TRA2A: variants seen among roughly 807,000 people sequenced by gnomAD.
TRA2A encodes transformer-2 protein homolog alpha.
TRA2A carries 31 observed loss-of-function variants against 45.7 expected under a neutral mutation model. The ratio of observed to expected loss-of-function variants is 0.68; its 90% CI spans 0.51 to 0.92. The LOEUF (loss-of-function observed/expected upper bound fraction) is 0.92, where lower values mean the gene tolerates loss of function less well. TRA2A is among the 40% of genes least tolerant of loss of function. TRA2A has a pLI of 0.00. For synonymous variants in TRA2A, 132 were observed against 126.2 expected, an observed-to-expected ratio of 1.05 and a Z score of -0.31; for missense variants, 304 against 367.5, an observed-to-expected ratio of 0.83 and a Z score of 1.41.
chr7:23,524,067 C>T (rs117993346), intron 1 of TRA2A, among the ~76,000 whole-genome samples: 1,804 of 152,224 alleles, frequency 0.012, 28 homozygotes, highest in Non-Finnish European at 0.019. Flanking sequence ...GAAATAAAAA[C>T]CTTTTATTAA....
chr7:23,511,528 G>C (rs180986831), intron 4 of TRA2A, among the ~76,000 whole-genome samples: 28 of 150,444 alleles, frequency 1.9e-4, no homozygotes, highest in Non-Finnish European at 3.8e-4. Flanking sequence ...TAAAAGTATT[G>C]AGCTTCAAAT....
At chr7:23,527,012 A>C (rs80115623) in intron 1 of TRA2A, among the ~76,000 whole-genome samples, 9,058 of 152,218 alleles carry the variant, frequency 0.06, 926 homozygotes, top group African/African-American at 0.21. Context: ...CATAAGTCTC[A>C]TAGCTTATAT....
intron 5 of TRA2A, among the ~76,000 whole-genome samples, chr7:23,506,999 G>A (rs962731888): frequency 6.6e-6 from 1 of 152,112 alleles, no homozygotes; most frequent in Non-Finnish European, 1.5e-5. Context: ...TCGTGATCTC[G>A]TGATCCACCC....
intron 5 of TRA2A, 51 bp from the exon 6 acceptor site, chr7:23,506,317 G>A (rs1789338300): frequency 6.6e-7 from 1 of 1,510,126 alleles, no homozygotes; most frequent in Non-Finnish European, 8.9e-7. Flanking sequence ...TATTTTCCAG[G>A]ACACTTTAAT....
At chr7:23,522,373 A>C in intron 1 of TRA2A, 1 of 1,266,860 alleles carries the variant, frequency 7.9e-7, no homozygotes, top group Non-Finnish European at 1.0e-6. Flanking sequence ...GCCTTCTTTT[A>C]TCTTGATTTA....
chr7:23,519,101 C>T (rs1224165582), intron 2 of TRA2A, among the ~76,000 whole-genome samples: 1 of 152,156 alleles, frequency 6.6e-6, no homozygotes, highest in Non-Finnish European at 1.5e-5. Context: ...GCCTGTAAGA[C>T]TAATCCGACA....
At chr7:23,519,787 G>A (rs1329186509) in intron 2 of TRA2A, among the ~76,000 whole-genome samples, 1 of 152,046 alleles carries the variant, frequency 6.6e-6, no homozygotes, top group African/African-American at 2.4e-5. Flanking sequence ...CACAATAGGT[G>A]AACAATAACG....
intron 4 of TRA2A, among the ~76,000 whole-genome samples, chr7:23,511,385 A>G (rs1309654203): frequency 2.5e-4 from 18 of 72,074 alleles, no homozygotes; most frequent in Admixed American, 5.4e-4. Context: ...AAAAAAAAAA[A>G]AAAAAAAAAA....
Position 23,505,777 on chromosome 7 carries a change from T to A in TRA2A, c.807A>T (p.Arg269Ser). 1 of 1,566,556 alleles carries A rather than the reference T, an allele frequency of 6.4e-7. No homozygotes were observed. The highest frequency in any genetic ancestry group is 8.6e-7 in the Non-Finnish European group (1 of 1,162,080). ...TGTAGGAACGAGATCTTGATCGTGA[T>A]CTATATCGACTATAATAAGGAGAAG... ...RSPSPYYSRY[R>S]SRSRSRSYSP... The change falls in exon 7 of 8, where the codon AGA becomes AGT. Residue 269 changes from arginine to serine, a missense_variant. By Grantham distance (110) the Arg-to-Ser change is moderately radical. Coordinates refer to ENST00000297071, the MANE Select transcript of TRA2A (RefSeq NM_013293.5).
At chr7:23,529,355 G>C (rs1328507580) in intron 1 of TRA2A, among the ~76,000 whole-genome samples, 5 of 152,124 alleles carry the variant, frequency 3.3e-5, no homozygotes, top group Non-Finnish European at 7.4e-5. Context: ...CCGCCTCCCA[G>C]GTTCAAGTAA....
At chr7:23,531,211 T>A (rs1193794970) in intron 1 of TRA2A, 3 of 986,902 alleles carry the variant, frequency 3.0e-6, no homozygotes, top group African/African-American at 3.5e-5. Context: ...ACCTTCAACC[T>A]CAAGGCTTTC....
In TRA2A at chr7:23,506,224, T is replaced by G. The variant is rs549265223; in HGVS notation, c.684A>C (p.Gly228=). 29 of 1,610,726 alleles carry G rather than the reference T, an allele frequency of 1.8e-5. No individual in the cohort carries two copies. The African/African-American group carries it at 3.6e-4, about 20-fold the overall frequency. The stretch of plus-strand genomic sequence containing the variant: ...AAGAATCTCGACGTCTGCCACCACC[T>G]CCACCTCCACCGCCGCCGCCTCCTC... The part of the protein sequence containing the change: ...GGGGGGGGGG[G]GGGRRRDSYY... Residue 228 remains glycine (G), a synonymous_variant, in exon 6 of 8, where the codon GGA becomes GGC. Transcript: ENST00000297071.
chr7:23,521,945 A>G, intron 1 of TRA2A, 105 bp from the exon 2 acceptor site: 3 of 1,501,926 alleles, frequency 2.0e-6, no homozygotes, highest in Admixed American at 2.1e-5. Context: ...TGAAAAACAA[A>G]TGGTTAGACA....
intron 1 of TRA2A, among the ~76,000 whole-genome samples, chr7:23,527,684 T>C (rs189525712): frequency 1.3e-5 from 2 of 152,338 alleles, no homozygotes; most frequent in East Asian, 3.9e-4. Context: ...CACACATCCC[T>C]AAATATTTAA....
intron 1 of TRA2A, among the ~76,000 whole-genome samples, chr7:23,529,013 G>GT (rs1264406873): frequency 6.6e-6 from 1 of 152,178 alleles, no homozygotes; most frequent in African/African-American, 2.4e-5. Context: ...CTGGGATGCT[G>GT]TATGAAAATT....
chr7:23,508,878 G>T (rs1192216126), intron 4 of TRA2A, among the ~76,000 whole-genome samples: 1 of 152,170 alleles, frequency 6.6e-6, no homozygotes, highest in Non-Finnish European at 1.5e-5. Context: ...TCCCACCTCA[G>T]CCTCCCAAAT....
intron 1 of TRA2A, among the ~76,000 whole-genome samples, chr7:23,524,093 T>G (rs966053002): frequency 1.3e-5 from 2 of 152,222 alleles, no homozygotes; most frequent in Non-Finnish European, 2.9e-5. Flanking sequence ...ACAAGATAAT[T>G]CAGTAACATC....
intron 5 of TRA2A, 58 bp downstream of exon 5, chr7:23,507,362 A>C: frequency 2.8e-6 from 4 of 1,425,912 alleles, no homozygotes; most frequent in Non-Finnish European, 3.9e-6. Context: ...AGTAATCAAA[A>C]TTTTGCACAT....
chr7:23,522,530 G>T, intron 1 of TRA2A: 1 of 264,496 alleles, frequency 3.8e-6, no homozygotes, highest in Non-Finnish European at 6.0e-6. Context: ...AAAGCCAGCA[G>T]GTAAAGTGCA....
Sources: gnomAD v4.1 joint callset for allele counts (sites outside exome capture counted in the v4.1 genomes callset) on GRCh38, gnomAD v4.1.1 for gene constraint, MANE v1.5 for transcripts, NCBI Gene and HGNC (gene_info 2026-07-23, HGNC 2026-07-21) for gene names.